Variants in NCAM1 observed in about 807,000 individuals in gnomAD.
The protein encoded by NCAM1 is neural cell adhesion molecule 1.
NCAM1 carries 14 observed loss-of-function variants against 109.8 expected under a neutral mutation model. The observed-to-expected ratio is 0.13, with a 90% CI of 0.08 to 0.20. NCAM1 has a LOEUF of 0.20. NCAM1 is among the 10% of genes least tolerant of loss of function. The pLI is 1.00. For synonymous variants in NCAM1, 418 were observed against 442.9 expected (o/e 0.94, Z 0.70); for missense variants, 774 against 1,109.9 (o/e 0.70, Z 4.30).
At chr11:112,989,376 T>G (rs1407004144) in intron 1 of NCAM1, among the ~76,000 whole-genome samples, 1 of 152,200 alleles carries the variant, frequency 6.6e-6, no homozygotes, top group Non-Finnish European at 1.5e-5. Flanking sequence ...TTCTTTCTTC[T>G]GCATGATTGA....
At chr11:113,115,598 C>T (rs1940662929) in intron 1 of NCAM1, among the ~76,000 whole-genome samples, 1 of 152,140 alleles carries the variant, frequency 6.6e-6, no homozygotes, top group Non-Finnish European at 1.5e-5. Context: ...CATTAGCCAA[C>T]CAACAAAATG....
At chr11:112,997,624 T>A (rs1367916046) in intron 1 of NCAM1, among the ~76,000 whole-genome samples, 4 of 152,180 alleles carry the variant, frequency 2.6e-5, no homozygotes, top group Non-Finnish European at 4.4e-5. Context: ...CGTTACCATA[T>A]GTAGCCCCCT....
At chr11:113,163,555 ATCTC>A (rs1365249651) in intron 1 of NCAM1, among the ~76,000 whole-genome samples, 1 of 152,146 alleles carries the variant, frequency 6.6e-6, no homozygotes, top group Non-Finnish European at 1.5e-5. Context: ...GGGATGAGAC[ATCTC>A]TCTGGTGAAT....
At chr11:113,261,498 G>C (rs1945997560) in intron 17 of NCAM1, among the ~76,000 whole-genome samples, 1 of 152,186 alleles carries the variant, frequency 6.6e-6, no homozygotes, top group Non-Finnish European at 1.5e-5. Context: ...AGGCTCCCCA[G>C]TGCTTGCTGG....
At chr11:113,077,113 G>A (rs1938560224) in intron 1 of NCAM1, among the ~76,000 whole-genome samples, 1 of 152,194 alleles carries the variant, frequency 6.6e-6, no homozygotes, top group Admixed American at 6.5e-5. Context: ...GGATGTATCA[G>A]ACACAGCCCC....
chr11:113,267,217 A>G (rs759192747), intron 17 of NCAM1, among the ~76,000 whole-genome samples: 7 of 152,180 alleles, frequency 4.6e-5, no homozygotes, highest in Non-Finnish European at 1.0e-4. Flanking sequence ...ACACTCATCC[A>G]TTTGTGCAAC....
intron 1 of NCAM1, among the ~76,000 whole-genome samples, chr11:113,127,930 A>C (rs558833159): frequency 6.6e-6 from 1 of 152,326 alleles, no homozygotes; most frequent in Admixed American, 6.5e-5. Context: ...GACTGGGCAC[A>C]GGAGATTTTG....
chr11:113,144,431 A>T (rs1254796426), intron 1 of NCAM1, among the ~76,000 whole-genome samples: 1 of 152,218 alleles, frequency 6.6e-6, no homozygotes, highest in Admixed American at 6.5e-5. Flanking sequence ...ATTAACGAGA[A>T]TGCTTTATGA....
intron 17 of NCAM1, among the ~76,000 whole-genome samples, chr11:113,265,883 C>T (rs1555124343): frequency 6.6e-6 from 1 of 152,148 alleles, no homozygotes; most frequent in African/African-American, 2.4e-5. Flanking sequence ...TTAAGGCATA[C>T]AAAAATAGGC....
intron 1 of NCAM1, among the ~76,000 whole-genome samples, chr11:113,038,991 G>A (rs1301723691): frequency 1.3e-5 from 2 of 152,094 alleles, no homozygotes; most frequent in Non-Finnish European, 2.9e-5. Flanking sequence ...TTCTCTTCAC[G>A]TATGTAAATG....
chr11:113,263,750 A>T (rs1392180037), intron 17 of NCAM1: 3 of 985,362 alleles, frequency 3.0e-6, no homozygotes, highest in Non-Finnish European at 3.6e-6. Flanking sequence ...TGACCCACAG[A>T]ATGGCTTTGA....
intron 1 of NCAM1, among the ~76,000 whole-genome samples, chr11:113,157,737 A>G (rs1942465562): frequency 6.6e-6 from 1 of 152,186 alleles, no homozygotes; most frequent in African/African-American, 2.4e-5. Context: ...ATATTTTATG[A>G]AAAACCAATA....
rs1950605909 is a variant in NCAM1, at chr11:112,962,807, G to A, written c.52+1143G>A. Reference sequence around the variant, plus strand: ...ATTTGCGCTTTGGCTCTGATGGACGGGAGGGAAGGAAGAAAAGCAGGGGCC... The same window carrying A: ...ATTTGCGCTTTGGCTCTGATGGACGAGAGGGAAGGAAGAAAAGCAGGGGCC... On this transcript the variant is annotated intron_variant, in intron 1 of 19. Transcript: ENST00000316851. This position sits in a 1 kb window ranked among gnomAD's most constrained non-coding sequence, Gnocchi z 5.6. 6.6e-6 allele frequency among the ~76,000 whole-genome samples: 1 copy of A among 152,124 alleles called. No homozygotes were observed. The highest frequency in any genetic ancestry group is 2.4e-5 in the African/African-American group (1 of 41,428).
intron 1 of NCAM1, among the ~76,000 whole-genome samples, chr11:113,087,426 T>G (rs1399051489): frequency 1.3e-5 from 2 of 152,216 alleles, no homozygotes; most frequent in Non-Finnish European, 2.9e-5. Context: ...TGTTTGTTGT[T>G]TTGCTTTTTT....
chr11:112,964,400 T>A (rs1267753239), intron 1 of NCAM1, among the ~76,000 whole-genome samples: 2 of 152,202 alleles, frequency 1.3e-5, no homozygotes, highest in Non-Finnish European at 2.9e-5. Context: ...TGAAGAATTG[T>A]TCGCTTGAAC....
At chr11:113,078,966 G>A (rs1273426043) in intron 1 of NCAM1, among the ~76,000 whole-genome samples, 3 of 152,166 alleles carry the variant, frequency 2.0e-5, no homozygotes, top group African/African-American at 7.2e-5. Flanking sequence ...GTTCCTCCGA[G>A]CCGGGCTGGC....
chr11:113,091,517 G>A lies in NCAM1; in HGVS notation c.53-110862G>A, dbSNP rs114901849. ...ATGAGAGGGTAAGAAGGCTAGGATC[G>A]AAATGTTAAGATGTAGAAAGTAGGT... On this transcript the variant is annotated intron_variant, in intron 1 of 19. Coordinates refer to ENST00000316851, the MANE Select transcript of NCAM1 (RefSeq NM_181351.5). 9.5e-3 allele frequency among the ~76,000 whole-genome samples: 1,442 copies of A among 152,286 alleles called. 24 individuals carry two copies. Among genetic ancestry groups the A allele is most frequent in the African/African-American group, 0.033 (1,360 of 41,560 alleles).
At chr11:113,271,215 C>T (rs1277398082) in intron 18 of NCAM1, among the ~76,000 whole-genome samples, 1 of 151,652 alleles carries the variant, frequency 6.6e-6, no homozygotes, top group East Asian at 1.9e-4. Context: ...ACTAAAAATA[C>T]AAAAATTAGC....
chr11:113,090,355 A>G (rs1939285642), intron 1 of NCAM1, among the ~76,000 whole-genome samples: 1 of 152,208 alleles, frequency 6.6e-6, no homozygotes, highest in Non-Finnish European at 1.5e-5. Flanking sequence ...GAAGTTTTGC[A>G]TCACTGAACA....
Sources: allele counts gnomAD v4.1 joint callset (sites outside exome capture counted in the v4.1 genomes callset), GRCh38; gene constraint gnomAD v4.1.1; non-coding constraint Gnocchi (gnomAD v3.1); transcripts MANE v1.5; gene names NCBI Gene and HGNC (gene_info 2026-07-23, HGNC 2026-07-21).